RBFOX1: variants seen among roughly 807,000 people sequenced by gnomAD.
RBFOX1 encodes RNA binding protein fox-1 homolog 1.
In RBFOX1, 8 loss-of-function variants were observed where a neutral mutation model predicts 57.7. The observed-to-expected ratio is 0.14, with a 90% CI of 0.08 to 0.25. The LOEUF is 0.25. Among genes scored for constraint, RBFOX1 ranks in the 10% least tolerant of loss-of-function variants. The pLI is 1.00. For synonymous variants in RBFOX1, 326 were observed against 222.4 expected, an observed-to-expected ratio of 1.47 and a Z score of -4.15; for missense variants, 611 against 548.5, an observed-to-expected ratio of 1.11 and a Z score of -1.14.
chr16:7,086,902 G>A (rs554194098), intron 4 of RBFOX1, among the ~76,000 whole-genome samples: 3 of 152,304 alleles, frequency 2.0e-5, no homozygotes, highest in African/African-American at 7.2e-5. Context: ...TGGCACACAG[G>A]CTTCTGACGG....
intron 4 of RBFOX1, among the ~76,000 whole-genome samples, chr16:5,872,779 C>G (rs147854515): frequency 6.6e-6 from 1 of 152,042 alleles, no homozygotes; most frequent in Non-Finnish European, 1.5e-5. Context: ...ATGCTTAAGA[C>G]AGAGCCTGGC....
At chr16:6,619,125 T>C (rs1482697600) in intron 2 of RBFOX1, among the ~76,000 whole-genome samples, 1 of 151,268 alleles carries the variant, frequency 6.6e-6, no homozygotes, top group East Asian at 1.9e-4. Flanking sequence ...AACACACACA[T>C]GGTACTTCGC....
chr16:6,007,317 C>T (rs769981117), intron 4 of RBFOX1, among the ~76,000 whole-genome samples: 2 of 152,168 alleles, frequency 1.3e-5, no homozygotes, highest in African/African-American at 4.8e-5. Context: ...ATCCAGCTAC[C>T]ACATCCTGAG....
At chr16:6,848,879 C>T (rs1288837192) in intron 3 of RBFOX1, among the ~76,000 whole-genome samples, 1 of 152,078 alleles carries the variant, frequency 6.6e-6, no homozygotes, top group Non-Finnish European at 1.5e-5. Context: ...CCTCAGGTGT[C>T]AAAGAGGAAC....
intron 4 of RBFOX1, among the ~76,000 whole-genome samples, chr16:7,317,112 G>A (rs1356943893): frequency 6.6e-6 from 1 of 152,002 alleles, no homozygotes; most frequent in Non-Finnish European, 1.5e-5. Flanking sequence ...CTGAGGACGG[G>A]GGTGTCAAGT....
intron 2 of RBFOX1, among the ~76,000 whole-genome samples, chr16:6,447,904 C>T (rs1284151114): frequency 1.3e-5 from 2 of 152,220 alleles, no homozygotes; most frequent in Non-Finnish European, 2.9e-5. Context: ...AAGGGAGTGA[C>T]ATCACACACG....
intron 3 of RBFOX1, among the ~76,000 whole-genome samples, chr16:6,702,252 G>C (rs1052333442): frequency 2.0e-5 from 3 of 152,096 alleles, no homozygotes; most frequent in African/African-American, 7.2e-5. Context: ...GATATGGATG[G>C]GACAAATATC....
intron 3 of RBFOX1, among the ~76,000 whole-genome samples, chr16:6,899,117 T>C (rs772778997): frequency 1.3e-5 from 2 of 151,254 alleles, no homozygotes; most frequent in Non-Finnish European, 1.5e-5. Flanking sequence ...GTATACGTGT[T>C]TATGCATATG....
chr16:5,894,414 C>G (rs965531919), intron 4 of RBFOX1, among the ~76,000 whole-genome samples: 8 of 152,076 alleles, frequency 5.3e-5, no homozygotes, highest in African/African-American at 1.9e-4. Context: ...TCCCAAGTAG[C>G]TGTCATGTAC....
chr16:7,585,935 C>T (rs779759659), intron 6 of RBFOX1, among the ~76,000 whole-genome samples: 24 of 152,200 alleles, frequency 1.6e-4, no homozygotes, highest in Non-Finnish European at 2.8e-4. Flanking sequence ...ACCCCAGTCG[C>T]TCTGTCCGCT....
chr16:7,259,524 C>T (rs17143116), intron 4 of RBFOX1, among the ~76,000 whole-genome samples: 1 of 150,612 alleles, frequency 6.6e-6, no homozygotes, highest in East Asian at 2.0e-4. Context: ...ACATCATTTA[C>T]TGAGAGAAAC....
intron 4 of RBFOX1, among the ~76,000 whole-genome samples, chr16:7,237,134 G>A (rs527330729): frequency 2.4e-4 from 36 of 152,164 alleles, no homozygotes; most frequent in Non-Finnish European, 4.9e-4. Context: ...CAATACAGCC[G>A]CCAACCCAAA....
chr16:5,599,464 C>T, exon 3 of RBFOX1: 1 of 526,170 alleles, frequency 1.9e-6, no homozygotes. Context: ...CCTCATCTGT[C>T]ACCCACGAAT....
chr16:6,667,784 A>G (rs1312050648), intron 3 of RBFOX1, among the ~76,000 whole-genome samples: 1 of 152,010 alleles, frequency 6.6e-6, no homozygotes, highest in East Asian at 1.9e-4. Context: ...AGCTACTCAA[A>G]TGGCTTAAGG....
chr16:5,999,882 AAAAAAAAAAAAAAAAAAAAAAAAAAG>A (rs1322017107), intron 4 of RBFOX1, among the ~76,000 whole-genome samples: 1 of 50,122 alleles, frequency 2.0e-5, no homozygotes, highest in Non-Finnish European at 4.2e-5. Context: ...AAAAAAAAAA[AAAAAAAAAAAAAAAAAAAAAAAAAAG>A]AGTGAAGAAG....
intron 1 of RBFOX1, among the ~76,000 whole-genome samples, chr16:5,379,511 T>A (rs1567417360): frequency 5.3e-5 from 8 of 152,256 alleles, no homozygotes; most frequent in Non-Finnish European, 2.9e-5. Context: ...AACAAGCACA[T>A]GCTCTAGAAG....
intron 3 of RBFOX1, among the ~76,000 whole-genome samples, chr16:7,009,376 C>T (rs540731345): frequency 2.0e-5 from 3 of 151,286 alleles, no homozygotes; most frequent in Non-Finnish European, 4.4e-5. Flanking sequence ...ATTAGAAGCA[C>T]CTTAAAATGA....
At chr16:5,931,134 C>A (rs1316819145) in intron 4 of RBFOX1, among the ~76,000 whole-genome samples, 1 of 152,122 alleles carries the variant, frequency 6.6e-6, no homozygotes, top group African/African-American at 2.4e-5. Flanking sequence ...GCACGTAGGG[C>A]TATTCTTTTG....
In RBFOX1 at chr16:6,034,101, G is replaced by A. The variant is rs528309864; in HGVS notation, c.-127+14109G>A. ...CGTAATCCCAGCCCTTTGGGAGGCC[G>A]AGGTGGGCGGATCACCTGAGGTCGG... On this transcript the variant is annotated intron_variant, in intron 1 of 15. Transcript: ENST00000550418. 1.1e-4 allele frequency among the ~76,000 whole-genome samples: 17 copies of A among 152,102 alleles called. No homozygotes were observed. In the South Asian group the frequency reaches 2.5e-3, roughly 22 times the overall value.
Sources: gnomAD v4.1 joint callset for allele counts (sites outside exome capture counted in the v4.1 genomes callset) on GRCh38, gnomAD v4.1.1 for gene constraint, MANE v1.5 for transcripts, NCBI Gene and HGNC (gene_info 2026-07-23, HGNC 2026-07-21) for gene names.